Variants in PDCD6 observed in about 807,000 individuals in gnomAD.
PDCD6 encodes the protein programmed cell death protein 6.
Under a neutral mutation model 28.3 loss-of-function variants are expected in PDCD6, and 12 were observed. The observed-to-expected ratio is 0.42, with a 90% CI of 0.27 to 0.69. PDCD6 has a LOEUF of 0.69. Among genes scored for constraint, PDCD6 ranks in the 30% least tolerant of loss-of-function variants. The pLI is 0.22. For synonymous variants in PDCD6, 92 were observed against 108.0 expected, an observed-to-expected ratio of 0.85 and a Z score of 0.92; for missense variants, 226 against 269.9, an observed-to-expected ratio of 0.84 and a Z score of 1.14.
Position 273,040 on chromosome 5 carries a change from G to A in PDCD6, c.163+268G>A, listed in dbSNP as rs1737936743. ...AAATGAAAACTAGATTGTAGGTTTA[G>A]GAGGGGAATAGGAAGCTTAGCTCTG... On this transcript the variant is annotated intron_variant, in intron 2 of 5. Transcript: ENST00000264933. 8.0e-6 allele frequency: 4 copies of A among 501,910 alleles called. No individual in the cohort carries two copies. The East Asian group carries it at 9.7e-5, about 12-fold the overall frequency. The allele number at this position is 501,910 out of a possible 1,614,324, so 31.1% of individuals were successfully genotyped here.
At chr5:272,557 C>T (rs1321647427) in intron 1 of PDCD6, among the ~76,000 whole-genome samples, 154 bp from the exon 2 acceptor site, 1 of 145,170 alleles carries the variant, frequency 6.9e-6, no homozygotes, top group Non-Finnish European at 1.5e-5. Flanking sequence ...TCCTGGGGCA[C>T]TTCCTTGATT....
chr5:273,065 G>T (rs1016773367), intron 2 of PDCD6: 28 of 401,918 alleles, frequency 7.0e-5, no homozygotes, highest in African/African-American at 5.9e-4. Context: ...GCTTAGCTCT[G>T]TACAGCCGAA....
chr5:290,374 ACCGGAATG>A, intron 2 of PDCD6: 1 of 935,482 alleles, frequency 1.1e-6, no homozygotes, highest in Non-Finnish European at 1.7e-6. Context: ...TCTCTTGGGG[ACCGGAATG>A]CCTCCCCCCA....
intron 2 of PDCD6, among the ~76,000 whole-genome samples, chr5:296,981 C>T (rs977325050): frequency 1.3e-5 from 2 of 152,230 alleles, no homozygotes; most frequent in Non-Finnish European, 2.9e-5. Context: ...CCCCCACGCA[C>T]ACCGTGCTGG....
chr5:285,329 G>C (rs1371776814), intron 2 of PDCD6, among the ~76,000 whole-genome samples: 1 of 151,596 alleles, frequency 6.6e-6, no homozygotes, highest in Non-Finnish European at 1.5e-5. Context: ...CTGGATACCC[G>C]GCTGGGAGCT....
intron 2 of PDCD6, among the ~76,000 whole-genome samples, chr5:297,693 C>G (rs190230044): frequency 7.2e-5 from 11 of 152,266 alleles, no homozygotes; most frequent in Non-Finnish European, 1.5e-4. Context: ...GCAAACGGCC[C>G]ACAAGAAAAT....
At chr5:283,056 A>G (rs947485409) in intron 2 of PDCD6, among the ~76,000 whole-genome samples, 2 of 151,334 alleles carry the variant, frequency 1.3e-5, no homozygotes, top group African/African-American at 4.9e-5. Context: ...GTTCACTTTG[A>G]GGGTCTTTCA....
chr5:282,071 G>A (rs1418212569), intron 2 of PDCD6, among the ~76,000 whole-genome samples: 1 of 150,324 alleles, frequency 6.7e-6, no homozygotes, highest in Admixed American at 6.6e-5. Context: ...TGAGGGTCTT[G>A]CAGTTGAAGA....
intron 2 of PDCD6, among the ~76,000 whole-genome samples, chr5:296,960 TG>T (rs1422412863): frequency 3.9e-5 from 6 of 152,192 alleles, no homozygotes; most frequent in Admixed American, 2.0e-4. Context: ...TCAAGTTCTC[TG>T]GTGCCCGACC....
intron 2 of PDCD6, among the ~76,000 whole-genome samples, chr5:281,385 A>G (rs1263093864): frequency 6.6e-6 from 1 of 151,998 alleles, no homozygotes; most frequent in Non-Finnish European, 1.5e-5. Context: ...CTGCCTTTTA[A>G]GTCTATGAGA....
intron 2 of PDCD6, chr5:276,190 C>G (rs370920990): frequency 2.0e-6 from 2 of 1,010,526 alleles, no homozygotes; most frequent in East Asian, 7.2e-5. Flanking sequence ...GATCAAGCCA[C>G]GGCACTCCAG....
At chr5:289,544 T>C (rs1254778328) in intron 2 of PDCD6, 1 of 756,812 alleles carries the variant, frequency 1.3e-6, no homozygotes, top group Non-Finnish European at 2.4e-6. Context: ...GTCGCTTGAA[T>C]GGCTGTTTCT....
chr5:278,202 T>C (rs1301966261), intron 2 of PDCD6, among the ~76,000 whole-genome samples: 5 of 152,170 alleles, frequency 3.3e-5, no homozygotes, highest in Admixed American at 6.5e-5. Flanking sequence ...GTTCCAGATA[T>C]AGCTTTCTCT....
intron 2 of PDCD6, chr5:289,567 T>C (rs1357008260): frequency 1.2e-6 from 1 of 827,726 alleles, no homozygotes; most frequent in African/African-American, 1.7e-5. Flanking sequence ...GACTTCGCCT[T>C]TTTTGTCAAA....
intron 2 of PDCD6, among the ~76,000 whole-genome samples, chr5:295,784 CAGAA>C (rs1561041749): frequency 6.8e-6 from 1 of 147,496 alleles, no homozygotes; most frequent in Admixed American, 6.9e-5. Flanking sequence ...GCTCTCCACA[CAGAA>C]AGCCAATCAC....
intron 2 of PDCD6, among the ~76,000 whole-genome samples, chr5:299,876 A>G (rs1317221921): frequency 1.3e-5 from 2 of 151,872 alleles, no homozygotes; most frequent in African/African-American, 2.4e-5. Context: ...TTTTTTATCA[A>G]ATACAGTTGA....
chr5:284,411 C>G (rs1738791760), intron 2 of PDCD6, among the ~76,000 whole-genome samples: 1 of 151,860 alleles, frequency 6.6e-6, no homozygotes, highest in Admixed American at 6.5e-5. Context: ...GCTGATGTTC[C>G]AATTTGAGGG....
chr5:290,541 A>G (rs1247848833), intron 2 of PDCD6, among the ~76,000 whole-genome samples: 1 of 152,166 alleles, frequency 6.6e-6, no homozygotes, highest in Non-Finnish European at 1.5e-5. Context: ...ACCCTCCAAC[A>G]TGGCGCCTGG....
chr5:296,068 A>C (rs954127942), intron 2 of PDCD6, among the ~76,000 whole-genome samples: 5 of 152,128 alleles, frequency 3.3e-5, no homozygotes, highest in African/African-American at 1.2e-4. Context: ...CCTTCACACT[A>C]CCTGGGAGGC....
Sources: allele counts gnomAD v4.1 joint callset (sites outside exome capture counted in the v4.1 genomes callset), GRCh38; gene constraint gnomAD v4.1.1; transcripts MANE v1.5; gene names NCBI Gene and HGNC (gene_info 2026-07-23, HGNC 2026-07-21).